CFAP54: variants seen among roughly 807,000 people sequenced by gnomAD.
CFAP54 encodes the protein cilia- and flagella-associated protein 54.
In CFAP54, 290 loss-of-function variants were observed where a neutral mutation model predicts 370.4. That is an observed-to-expected ratio of 0.78 (90% confidence interval 0.71 to 0.86). The LOEUF (loss-of-function observed/expected upper bound fraction) is 0.86. Among genes scored for constraint, CFAP54 ranks in the 40% least tolerant of loss-of-function variants. The pLI, the probability that CFAP54 is intolerant of heterozygous loss-of-function variation, is 0.00. For synonymous variants in CFAP54, 1,206 were observed against 1,236.5 expected (o/e 0.98, Z 0.52); for missense variants, 3,399 against 3,528.7 (o/e 0.96, Z 0.93).
chr12:96,733,588 C>T (rs1270014061), intron 50 of CFAP54, among the ~76,000 whole-genome samples: 3 of 141,414 alleles, frequency 2.1e-5, no homozygotes, highest in Non-Finnish European at 4.6e-5. Flanking sequence ...TTCTCCTTTA[C>T]ATTTGATCTA....
chr12:96,799,141 G>T (rs531890353), intron 63 of CFAP54, among the ~76,000 whole-genome samples: 11 of 152,280 alleles, frequency 7.2e-5, no homozygotes, highest in African/African-American at 2.6e-4. Context: ...TTTAGGAGCA[G>T]TTCAGTATCA....
intron 63 of CFAP54, among the ~76,000 whole-genome samples, chr12:96,796,719 T>C (rs1958766352): frequency 6.6e-6 from 1 of 152,212 alleles, no homozygotes; most frequent in Non-Finnish European, 1.5e-5. Flanking sequence ...TTCTAGGAAT[T>C]TGACCATTTT....
intron 49 of CFAP54, 74 bp downstream of exon 49, chr12:96,718,596 T>A (rs1206412959): frequency 1.2e-6 from 1 of 857,550 alleles, no homozygotes; most frequent in Non-Finnish European, 1.9e-6. Flanking sequence ...ATGGGCCTGC[T>A]TTCAGAGTTA....
intron 14 of CFAP54, among the ~76,000 whole-genome samples, chr12:96,546,490 C>T (rs1343942244): frequency 6.6e-6 from 1 of 152,090 alleles, no homozygotes; most frequent in Non-Finnish European, 1.5e-5. Context: ...TTCCTTCAGC[C>T]AAGAGAATTT....
chr12:96,574,014 T>C (rs548717700), intron 19 of CFAP54, among the ~76,000 whole-genome samples: 15 of 152,366 alleles, frequency 9.8e-5, no homozygotes, highest in African/African-American at 3.1e-4. Flanking sequence ...TAGACCTTAA[T>C]GTCAACCATT....
At chr12:96,832,882 A>G (rs1050127895) in intron 66 of CFAP54, among the ~76,000 whole-genome samples, 2 of 152,134 alleles carry the variant, frequency 1.3e-5, no homozygotes, top group Non-Finnish European at 2.9e-5. Context: ...TGAAAATAAG[A>G]CTCACCAACA....
intron 44 of CFAP54, 81 bp downstream of exon 44, chr12:96,691,391 T>A (rs1305098661): frequency 9.6e-7 from 1 of 1,036,648 alleles, no homozygotes; most frequent in Non-Finnish European, 1.4e-6. Context: ...ATTTTGCTAA[T>A]GTTCTTTTGG....
rs144710545 is a variant in CFAP54, at chr12:96,711,913, G to A, written c.6724+3110G>A. Among the ~76,000 whole-genome samples the A allele has an allele frequency of 1.3e-3, 198 of 152,128 alleles. 2 individuals carry two copies. The highest frequency in any genetic ancestry group is 1.8e-3 in the Non-Finnish European group (119 of 67,974). On this transcript the variant is annotated intron_variant, in intron 48 of 67. Coordinates refer to ENST00000524981, the MANE Select transcript of CFAP54 (RefSeq NM_001306084.2). Reference sequence around the variant, plus strand: ...GTGATAGACATTTAGACTGTTTTCTGTAAACATTATTATACATGTCTCTGA... The same window carrying A: ...GTGATAGACATTTAGACTGTTTTCTATAAACATTATTATACATGTCTCTGA...
intron 48 of CFAP54, among the ~76,000 whole-genome samples, chr12:96,712,565 A>G (rs903033693): frequency 6.6e-6 from 1 of 152,048 alleles, no homozygotes; most frequent in African/African-American, 2.4e-5. Flanking sequence ...GGAATATACT[A>G]TATATTCTTG....
intron 14 of CFAP54, among the ~76,000 whole-genome samples, chr12:96,543,710 C>T (rs1346640115): frequency 1.9e-4 from 29 of 152,196 alleles, no homozygotes; most frequent in Admixed American, 1.9e-3. Context: ...CACTAATACT[C>T]TAGGATCCCA....
intron 55 of CFAP54, among the ~76,000 whole-genome samples, chr12:96,751,124 CTG>C (rs1291619655): frequency 1.3e-5 from 2 of 152,060 alleles, no homozygotes; most frequent in Admixed American, 6.5e-5. Context: ...TAATTAATGA[CTG>C]AACCTTGAGC....
At chr12:96,822,238 G>T (rs1324600613) in intron 65 of CFAP54, among the ~76,000 whole-genome samples, 1 of 151,994 alleles carries the variant, frequency 6.6e-6, no homozygotes, top group Non-Finnish European at 1.5e-5. Context: ...GTGTTCTAAA[G>T]CATATGGAAG....
chr12:96,526,318 C>T (rs867600539), intron 8 of CFAP54, among the ~76,000 whole-genome samples: 2 of 152,150 alleles, frequency 1.3e-5, no homozygotes, highest in South Asian at 2.1e-4. Context: ...TGGGCCAGTA[C>T]AAAGCAGAAT....
intron 39 of CFAP54, among the ~76,000 whole-genome samples, chr12:96,679,362 C>T (rs1386009724): frequency 6.7e-6 from 1 of 149,986 alleles, no homozygotes; most frequent in African/African-American, 2.5e-5. Context: ...AAGTTATTTG[C>T]ATTTCATAAG....
chr12:96,804,833 C>G lies in CFAP54; in HGVS notation c.8851-6903C>G, dbSNP rs1192735809. ...AACCTGGAGGCATCACATTACCTCA[C>G]TTCAAATTATGCTACAAGGTTATAG... On this transcript the variant is annotated intron_variant, in intron 63 of 67. Transcript: ENST00000524981. 2.6e-5 allele frequency among the ~76,000 whole-genome samples: 4 copies of G among 152,150 alleles called. No homozygotes were observed. In the East Asian group the frequency reaches 7.7e-4, roughly 29 times the overall value.
In CFAP54 at chr12:96,792,444, G is replaced by A. The variant is rs550249022; in HGVS notation, c.8795G>A (p.Cys2932Tyr). The change falls in exon 63 of 68, where the codon TGC becomes TAC. Residue 2932 changes from cysteine to tyrosine, a missense_variant. Physicochemically the swap from Cys to Tyr is radical, Grantham distance 194 (BLOSUM62 -2). Coordinates refer to ENST00000524981, the MANE Select transcript of CFAP54 (RefSeq NM_001306084.2). ...MVTQASNKEL[C>Y]FQWYIPPLDR... Reference sequence around the variant, plus strand: ...ACGCAAGCTTCAAACAAAGAACTTTGCTTTCAATGGTACATTCCTCCCCTG... The same window carrying A: ...ACGCAAGCTTCAAACAAAGAACTTTACTTTCAATGGTACATTCCTCCCCTG... 7.8e-6 allele frequency: 12 copies of A among 1,535,904 alleles called. No homozygotes were observed. The Admixed American group carries it at 7.8e-5, about 10-fold the overall frequency.
At chr12:96,851,324 A>G (rs1236036437) in intron 66 of CFAP54, among the ~76,000 whole-genome samples, 1 of 152,118 alleles carries the variant, frequency 6.6e-6, no homozygotes, top group African/African-American at 2.4e-5. Context: ...TTTGCTTCAT[A>G]AATGTATCCT....
intron 26 of CFAP54, among the ~76,000 whole-genome samples, chr12:96,602,927 CTT>C (rs897052237): frequency 4.6e-5 from 7 of 152,228 alleles, no homozygotes; most frequent in Admixed American, 6.5e-5. Context: ...CAGTCTGTGT[CTT>C]TTAATTGGAG....
At chr12:96,547,844 C>A in intron 14 of CFAP54, 58 bp from the exon 15 acceptor site, 1 of 822,706 alleles carries the variant, frequency 1.2e-6, no homozygotes, top group Non-Finnish European at 1.8e-6. Context: ...TTTTTTTCAT[C>A]TCCTCTTCTC....
Sources: gnomAD v4.1 joint callset for allele counts (sites outside exome capture counted in the v4.1 genomes callset) on GRCh38, gnomAD v4.1.1 for gene constraint, MANE v1.5 for transcripts, NCBI Gene and HGNC (gene_info 2026-07-23, HGNC 2026-07-21) for gene names.